Variants in PCDHA8 observed in about 807,000 individuals in gnomAD.
The protein encoded by PCDHA8 is protocadherin alpha-8.
Under a neutral mutation model 61.8 loss-of-function variants are expected in PCDHA8, and 53 were observed. That is an observed-to-expected ratio of 0.86 (90% CI 0.69 to 1.08). The LOEUF (loss-of-function observed/expected upper bound fraction) is 1.08, where lower values mean the gene tolerates loss of function less well. Ranked by LOEUF, PCDHA8 falls within the 50% of genes least tolerant of loss-of-function variation. The pLI is 0.00. For missense variants in PCDHA8, 1,293 were observed against 1,245.0 expected (o/e 1.04, Z -0.58); for synonymous variants, 618 against 556.6 (o/e 1.11, Z -1.55).
intron 1 of PCDHA8, among the ~76,000 whole-genome samples, chr5:140,958,853 G>T (rs897789588): frequency 1.3e-5 from 2 of 151,804 alleles, no homozygotes; most frequent in Non-Finnish European, 2.9e-5. Context: ...AGTGTCTTTG[G>T]TTTACTGGGT....
At chr5:140,999,321 A>G (rs1043394227) in intron 3 of PCDHA8, among the ~76,000 whole-genome samples, 32 of 152,198 alleles carry the variant, frequency 2.1e-4, no homozygotes, top group Non-Finnish European at 3.2e-4. Context: ...ACAGACATTG[A>G]TCTGTGTGAT....
At position 140,963,044 on chromosome 5, in the gene PCDHA8, T is replaced by C. The variant is rs144557802; in HGVS notation, c.2395-15905T>C. On this transcript the variant is annotated intron_variant, in intron 1 of 3. Transcript: ENST00000531613. The stretch of plus-strand genomic sequence containing the variant: ...AAGCAATTAACATTTATTGAGAGTC[T>C]ATAAGGGTTTCTACATTGTGAAGGA... Among the ~76,000 whole-genome samples the C allele has an allele frequency of 9.3e-4, 141 of 152,294 alleles. 1 individual carries two copies. Among genetic ancestry groups the C allele is most frequent in the African/African-American group, 2.9e-3 (121 of 41,576 alleles).
intron 3 of PCDHA8, among the ~76,000 whole-genome samples, chr5:140,990,741 G>A (rs528078912): frequency 4.3e-4 from 65 of 152,270 alleles, no homozygotes; most frequent in African/African-American, 1.2e-3. Context: ...ACAGCCCTAG[G>A]GTGGATACCT....
chr5:140,890,515 T>C (rs996565867), intron 1 of PCDHA8, among the ~76,000 whole-genome samples: 2 of 152,198 alleles, frequency 1.3e-5, no homozygotes, highest in African/African-American at 4.8e-5. Context: ...CTCTATTTCC[T>C]TCCTTTGTTG....
intron 3 of PCDHA8, among the ~76,000 whole-genome samples, chr5:140,994,353 C>T (rs1321687113): frequency 6.6e-6 from 1 of 152,110 alleles, no homozygotes; most frequent in East Asian, 1.9e-4. Flanking sequence ...TGTGGGACCT[C>T]AGAAGATGGA....
chr5:140,953,713 A>T (rs1372806666), intron 1 of PCDHA8, among the ~76,000 whole-genome samples: 1 of 152,218 alleles, frequency 6.6e-6, no homozygotes, highest in Admixed American at 6.5e-5. Context: ...TGAGCTTCAG[A>T]CATTGTGTTT....
rs1554181471 is a variant in PCDHA8, at chr5:140,884,352, A to G, written c.2394+40637A>G. ...GTGGGTCCAGAAGCGGCGCTGGTGG[A>G]TGTCAATGTTTACTTGATCATTGCC... is the stretch of plus-strand genomic sequence containing the variant. On this transcript the variant is annotated intron_variant, in intron 1 of 3. Transcript: ENST00000531613. The G allele has an allele frequency of 2.5e-6, 4 of 1,613,710 alleles. No individual in the cohort carries two copies. The Admixed American group carries it at 5.0e-5, about 20-fold the overall frequency.
intron 1 of PCDHA8, chr5:140,863,388 C>T: frequency 1.0e-6 from 1 of 1,000,142 alleles, no homozygotes; most frequent in Non-Finnish European, 1.5e-6. Context: ...AGAGCTCGTG[C>T]ATGCCGGGCA....
chr5:140,993,372 A>T (rs2097552472), intron 3 of PCDHA8, among the ~76,000 whole-genome samples: 1 of 151,976 alleles, frequency 6.6e-6, no homozygotes, highest in South Asian at 2.1e-4. Context: ...ACTACCTCCC[A>T]GCCGGGTCCC....
intron 1 of PCDHA8, among the ~76,000 whole-genome samples, chr5:140,903,666 A>T (rs1554191076): frequency 6.6e-6 from 1 of 152,228 alleles, no homozygotes; most frequent in African/African-American, 2.4e-5. Flanking sequence ...AATTTAACTG[A>T]TATAAAAGAT....
intron 1 of PCDHA8, among the ~76,000 whole-genome samples, chr5:140,965,278 C>T (rs1554227554): frequency 6.6e-6 from 1 of 152,176 alleles, no homozygotes; most frequent in African/African-American, 2.4e-5. Flanking sequence ...AATGACACAG[C>T]ATGGAAAGAT....
rs1205531440 is a variant in PCDHA8, at chr5:140,868,945, T to C, written c.2394+25230T>C. On this transcript the variant is annotated intron_variant, in intron 1 of 3. Transcript: ENST00000531613. ...TTCATTTAAAGGTTGGTCTGAACAG[T>C]GAGGCACTCCCATACAAAGGAACTC... 5 of 1,284,792 alleles carry C rather than the reference T, an allele frequency of 3.9e-6. No individual in the cohort carries two copies. The Admixed American group carries it at 1.1e-4, about 28-fold the overall frequency. The allele number at this position is 1,284,792 out of a possible 1,614,324, so 79.6% of individuals were successfully genotyped here. A position where few individuals can be genotyped will look rare whatever the true frequency, so the allele number is the denominator to read the frequency against.
At chr5:140,961,342 A>AC (rs2095605510) in intron 1 of PCDHA8, among the ~76,000 whole-genome samples, 1 of 152,164 alleles carries the variant, frequency 6.6e-6, no homozygotes, top group South Asian at 2.1e-4. Flanking sequence ...CCAAGAGTGG[A>AC]TCCCTGTAGT....
intron 1 of PCDHA8, chr5:140,966,946 C>T: frequency 6.2e-7 from 1 of 1,603,486 alleles, no homozygotes; most frequent in Non-Finnish European, 8.5e-7. Flanking sequence ...TCGTGGGCAA[C>T]GTGGCTCGCG....
chr5:140,927,731 T>G lies in PCDHA8; in HGVS notation c.2395-51218T>G, dbSNP rs781789205. 19 of 1,614,078 alleles carry G rather than the reference T, an allele frequency of 1.2e-5. No individual in the cohort carries two copies. The highest frequency in any genetic ancestry group is 1.4e-5 in the Non-Finnish European group (17 of 1,180,038). ...CTAAGCAACAGCACGCAAGCAGAGC[T>G]GCGACACCGCTTTCACGTGCACCCT... On this transcript the variant is annotated intron_variant, in intron 1 of 3. Transcript: ENST00000531613.
At chr5:140,931,008 A>G (rs1554208204) in intron 1 of PCDHA8, among the ~76,000 whole-genome samples, 2 of 152,224 alleles carry the variant, frequency 1.3e-5, no homozygotes, top group African/African-American at 2.4e-5. Flanking sequence ...ATAACATAAC[A>G]GAGGAATTTT....
intron 1 of PCDHA8, among the ~76,000 whole-genome samples, chr5:140,902,886 A>G (rs192404879): frequency 3.9e-5 from 6 of 152,276 alleles, no homozygotes; most frequent in Non-Finnish European, 7.4e-5. Flanking sequence ...TGCAAAAGCT[A>G]TTATTTTATT....
chr5:140,926,769 G>T lies in PCDHA8; in HGVS notation c.2395-52180G>T, dbSNP rs1584462454. 7.3e-6 allele frequency: 10 copies of T among 1,360,582 alleles called. No individual in the cohort carries two copies. In the East Asian group the frequency reaches 2.4e-4, roughly 33 times the overall value. 84.3% of individuals were successfully genotyped at this position (1,360,582 alleles called of 1,614,324 possible). On this transcript the variant is annotated intron_variant, in intron 1 of 3. Coordinates refer to ENST00000531613, the MANE Select transcript of PCDHA8 (RefSeq NM_018911.3). ...TCGGCGGTCGCTGAGTATCCAGCCCGCAGCAGTGACGGCCGGCAGGAGCGT... is the reference window on the plus strand; with the variant it reads ...TCGGCGGTCGCTGAGTATCCAGCCCTCAGCAGTGACGGCCGGCAGGAGCGT...
chr5:140,882,245 G>A, intron 1 of PCDHA8: 1 of 1,592,614 alleles, frequency 6.3e-7, no homozygotes, highest in Non-Finnish European at 8.6e-7. Context: ...ATTGCAGATA[G>A]CTCTGAGGTT....
Sources: gnomAD v4.1 joint callset for allele counts (sites outside exome capture counted in the v4.1 genomes callset) on GRCh38, gnomAD v4.1.1 for gene constraint, MANE v1.5 for transcripts, NCBI Gene and HGNC (gene_info 2026-07-23, HGNC 2026-07-21) for gene names.